Variants in LCP2 observed in about 807,000 individuals in gnomAD.
LCP2 encodes 76 kDa tyrosine phosphoprotein.
In LCP2, 29 loss-of-function variants were observed where a neutral mutation model predicts 74.5. That is an observed-to-expected ratio of 0.39 (90% CI 0.29 to 0.53). LCP2 has a LOEUF of 0.53. LCP2 is among the 20% of genes least tolerant of loss of function. LCP2 has a pLI of 0.72. For missense variants in LCP2, 604 were observed against 634.6 expected (o/e 0.95, Z 0.52); for synonymous variants, 228 against 229.5 (o/e 0.99, Z 0.06).
intron 4 of LCP2, 149 bp from the exon 5 acceptor site, chr5:170,275,500 G>A (rs1004851288): frequency 1.2e-5 from 10 of 865,732 alleles, no homozygotes; most frequent in Non-Finnish European, 1.8e-5. Flanking sequence ...CTCAGCAACT[G>A]GGGCTAGGAT....
intron 2 of LCP2, among the ~76,000 whole-genome samples, chr5:170,288,446 G>A (rs917702028): frequency 1.3e-5 from 2 of 152,218 alleles, no homozygotes; most frequent in African/African-American, 4.8e-5. Flanking sequence ...CAGCCTGGAG[G>A]AGTCTGTGCC....
chr5:170,259,970 C>A (rs890791948), intron 14 of LCP2, among the ~76,000 whole-genome samples: 3 of 152,232 alleles, frequency 2.0e-5, no homozygotes, highest in African/African-American at 7.2e-5. Flanking sequence ...TCCTCACTGT[C>A]CAGCCTTACC....
chr5:170,253,519 G>A (rs1289934367), intron 17 of LCP2, among the ~76,000 whole-genome samples: 2 of 152,114 alleles, frequency 1.3e-5, no homozygotes, highest in Non-Finnish European at 2.9e-5. Flanking sequence ...AAAAAAATTC[G>A]CAATTGTTTT....
intron 3 of LCP2, among the ~76,000 whole-genome samples, chr5:170,281,058 A>G (rs934217468): frequency 1.3e-5 from 2 of 152,194 alleles, no homozygotes; most frequent in African/African-American, 4.8e-5. Flanking sequence ...GCATCTGTCT[A>G]AAGGCACGTG....
chr5:170,281,976 AT>A (rs1195473213), intron 3 of LCP2, among the ~76,000 whole-genome samples: 1 of 152,218 alleles, frequency 6.6e-6, no homozygotes, highest in Non-Finnish European at 1.5e-5. Context: ...GTATTCGTGT[AT>A]TCTATCGATT....
intron 6 of LCP2, 42 bp from the exon 7 acceptor site, chr5:170,270,959 C>G: frequency 1.3e-6 from 2 of 1,536,958 alleles, no homozygotes; most frequent in Non-Finnish European, 1.8e-6. Flanking sequence ...TGTAGAGGCT[C>G]TGTGGCCCTC....
At chr5:170,279,966 G>A (rs1157899470) in intron 3 of LCP2, among the ~76,000 whole-genome samples, 1 of 151,904 alleles carries the variant, frequency 6.6e-6, no homozygotes, top group African/African-American at 2.4e-5. Context: ...AAAGGAGGGA[G>A]AGAGAGAGGG....
intron 3 of LCP2, among the ~76,000 whole-genome samples, chr5:170,276,655 A>G (rs1309899514): frequency 6.6e-6 from 1 of 152,172 alleles, no homozygotes; most frequent in Non-Finnish European, 1.5e-5. Context: ...TATCTCCAGC[A>G]TGCCCTAGCA....
intron 3 of LCP2, among the ~76,000 whole-genome samples, chr5:170,287,081 G>C (rs1385119590): frequency 3.9e-5 from 6 of 152,176 alleles, no homozygotes; most frequent in Non-Finnish European, 2.9e-5. Flanking sequence ...ACATTAGCTG[G>C]AGCTGAGGAG....
intron 2 of LCP2, among the ~76,000 whole-genome samples, chr5:170,291,002 G>GAA (rs1762284696): frequency 2.8e-5 from 2 of 71,262 alleles, no homozygotes; most frequent in African/African-American, 5.6e-5. Context: ...GAAAGAAAGA[G>GAA]AGAAAGAAAG....
At position 170,293,391 on chromosome 5, in the gene LCP2, G is replaced by A. The variant is rs1762322270; in HGVS notation, c.79-19C>T. ...AGTTGAGCTGCAAAGAGAAGGGGAA[G>A]GTGTTGTTAGTGACGGGCAGTCTCT... On this transcript the variant is annotated intron_variant, in intron 1 of 20. Transcript: ENST00000046794. 1.3e-6 allele frequency: 2 copies of A among 1,577,146 alleles called. No individual in the cohort carries two copies. Among genetic ancestry groups the A allele is most frequent in the Non-Finnish European group, 1.7e-6 (2 of 1,160,348 alleles).
At chr5:170,276,176 C>A (rs1303758990) in intron 3 of LCP2, among the ~76,000 whole-genome samples, 2 of 152,184 alleles carry the variant, frequency 1.3e-5, no homozygotes, top group Non-Finnish European at 2.9e-5. Flanking sequence ...GGCTTTCCCT[C>A]CAAAAATCAG....
intron 3 of LCP2, among the ~76,000 whole-genome samples, chr5:170,283,568 C>T (rs899118260): frequency 6.6e-6 from 1 of 152,172 alleles, no homozygotes; most frequent in African/African-American, 2.4e-5. Context: ...GGGCTGTCCT[C>T]CAAATCATCA....
chr5:170,255,170 G>A (rs911847806), intron 17 of LCP2, among the ~76,000 whole-genome samples: 1 of 152,152 alleles, frequency 6.6e-6, no homozygotes, highest in African/African-American at 2.4e-5. Context: ...GAAAATTAGG[G>A]GTTGGGCGAG....
intron 3 of LCP2, chr5:170,287,699 C>T (rs1762206689): frequency 1.9e-6 from 1 of 512,992 alleles, no homozygotes; most frequent in Admixed American, 3.2e-5. Flanking sequence ...CCAAGCACCC[C>T]ATGAGAAGAG....
intron 2 of LCP2, among the ~76,000 whole-genome samples, chr5:170,288,895 G>A (rs973987389): frequency 3.3e-5 from 5 of 152,248 alleles, no homozygotes; most frequent in African/African-American, 1.2e-4. Flanking sequence ...GGGAGGAGGA[G>A]AGGAGAGCAT....
chr5:170,259,835 A>G (rs429656), intron 14 of LCP2, among the ~76,000 whole-genome samples: 8,607 of 152,200 alleles, frequency 0.057, 846 homozygotes, highest in African/African-American at 0.2. Flanking sequence ...AACCCCACAC[A>G]ACAAAATCAC....
rs1204062646 is a variant in LCP2 at position 170,247,437 on chromosome 5, T to A, written c.*1260A>T. The A allele has an allele frequency of 2.0e-5, 3 of 152,266 alleles. No homozygotes were observed. The highest frequency in any genetic ancestry group is 7.2e-5 in the African/African-American group (3 of 41,474). The allele number at this position is 152,266 out of a possible 1,614,324, so 9.4% of individuals were successfully genotyped here. On this transcript the variant is annotated 3_prime_UTR_variant, in exon 21 of 21. Coordinates refer to ENST00000046794, the MANE Select transcript of LCP2 (RefSeq NM_005565.5). ...TTTTATTAGCTCATGAAAATGAAGC[T>A]GCAAGATACTCTTTTCCATTTCGAA...
chr5:170,275,181 T>G (rs1294145427), intron 5 of LCP2, 139 bp downstream of exon 5: 1 of 893,578 alleles, frequency 1.1e-6, no homozygotes, highest in Non-Finnish European at 1.8e-6. Context: ...CAAACCCTTT[T>G]CTGGGTAAGA....
Sources: gnomAD v4.1 joint callset for allele counts (sites outside exome capture counted in the v4.1 genomes callset) on GRCh38, gnomAD v4.1.1 for gene constraint, MANE v1.5 for transcripts, NCBI Gene and HGNC (gene_info 2026-07-23, HGNC 2026-07-21) for gene names.